PDZD2: variants seen among roughly 807,000 people sequenced by gnomAD.
The protein encoded by PDZD2 is PDZ domain containing 2, also known as PDZ domain-containing protein 2.
PDZD2 carries 90 observed loss-of-function variants against 220.7 expected under a neutral mutation model. The ratio of observed to expected loss-of-function variants is 0.41; its 90% confidence interval spans 0.34 to 0.49. The LOEUF (loss-of-function observed/expected upper bound fraction) is 0.49. Among genes scored for constraint, PDZD2 ranks in the 20% least tolerant of loss-of-function variants. PDZD2 has a pLI of 0.28. For synonymous variants in PDZD2, 1,375 were observed against 1,450.5 expected, an observed-to-expected ratio of 0.95 and a Z score of 1.18; for missense variants, 3,174 against 3,608.5, an observed-to-expected ratio of 0.88 and a Z score of 3.08.
rs1745314490 is a variant in PDZD2, at chr5:31,650,610, T to C, written c.-361+11173T>C. 2.0e-5 allele frequency among the ~76,000 whole-genome samples: 3 copies of C among 152,336 alleles called. No homozygotes were observed. In the South Asian group the frequency reaches 6.2e-4, roughly 32 times the overall value. On this transcript the variant is annotated intron_variant, in intron 1 of 24. Transcript: ENST00000438447. Reference sequence around the variant, plus strand: ...GAGAAGCTAAGAAGTTCATTTCTCTTCTTCTCCACTTTAGGAGTTTCAGGC... The same window carrying C: ...GAGAAGCTAAGAAGTTCATTTCTCTCCTTCTCCACTTTAGGAGTTTCAGGC...
chr5:31,868,394 A>C (rs1234601485), intron 2 of PDZD2, among the ~76,000 whole-genome samples: 1 of 152,146 alleles, frequency 6.6e-6, no homozygotes, highest in Non-Finnish European at 1.5e-5. Flanking sequence ...GCAGTAAGCC[A>C]AGATCGCGCC....
chr5:31,780,935 C>T (rs529930423), intron 1 of PDZD2, among the ~76,000 whole-genome samples: 1 of 152,324 alleles, frequency 6.6e-6, no homozygotes, highest in South Asian at 2.1e-4. Flanking sequence ...AGGAGCAAGG[C>T]AACATTCTCC....
intron 2 of PDZD2, among the ~76,000 whole-genome samples, chr5:31,845,080 T>C (rs542781495): frequency 6.6e-6 from 1 of 152,158 alleles, no homozygotes; most frequent in Middle Eastern, 3.4e-3. Flanking sequence ...ATGAGAAGAA[T>C]TCTTTCTCTC....
intron 6 of PDZD2, among the ~76,000 whole-genome samples, chr5:32,014,779 A>G (rs569779098): frequency 9.0e-5 from 12 of 132,958 alleles, no homozygotes; most frequent in Admixed American, 1.7e-4. Context: ...GCAGTGGCGC[A>G]ATCTCTGCTC....
intron 12 of PDZD2, 65 bp downstream of exon 12, chr5:32,058,168 C>T (rs1177375467): frequency 2.4e-6 from 2 of 828,420 alleles, no homozygotes; most frequent in African/African-American, 1.7e-5. Flanking sequence ...CTGTTGTTAG[C>T]TTAATTCTTC....
At chr5:31,743,725 A>C (rs1429661655) in intron 1 of PDZD2, among the ~76,000 whole-genome samples, 1 of 152,056 alleles carries the variant, frequency 6.6e-6, no homozygotes, top group Admixed American at 6.6e-5. Flanking sequence ...ATCTATCCCC[A>C]GCAACCACTG....
At chr5:31,725,211 G>A (rs1010531943) in intron 1 of PDZD2, among the ~76,000 whole-genome samples, 37 of 151,848 alleles carry the variant, frequency 2.4e-4, no homozygotes, top group African/African-American at 8.7e-4. Flanking sequence ...GGTGGCACAC[G>A]CCTGTAATCC....
intron 7 of PDZD2, among the ~76,000 whole-genome samples, chr5:32,043,922 C>T (rs752852099): frequency 1.6e-4 from 25 of 152,226 alleles, no homozygotes; most frequent in Non-Finnish European, 2.6e-4. Context: ...CCACCGTGCA[C>T]GACCTAACCA....
At chr5:31,903,060 G>A (rs977248111) in intron 2 of PDZD2, among the ~76,000 whole-genome samples, 6 of 151,864 alleles carry the variant, frequency 4.0e-5, no homozygotes, top group Non-Finnish European at 5.9e-5. Context: ...TTTGGGAGGC[G>A]GAGGTGGGTG....
intron 1 of PDZD2, among the ~76,000 whole-genome samples, chr5:31,730,946 G>C (rs2150156492): frequency 6.6e-6 from 1 of 152,238 alleles, no homozygotes; most frequent in Admixed American, 6.5e-5. Context: ...TCTCAAGGTT[G>C]TATGTGTCAT....
intron 19 of PDZD2, among the ~76,000 whole-genome samples, chr5:32,079,273 AAAAAAAC>A (rs869125908): frequency 0.013 from 1,944 of 150,168 alleles, 48 homozygotes; most frequent in African/African-American, 0.046. Context: ...AAAAAACAAA[AAAAAAAC>A]AAAAAAAAAA....
In PDZD2 at chr5:32,077,455, G is replaced by A. The variant is rs759023408; in HGVS notation, c.3538-7G>A. The stretch of plus-strand genomic sequence containing the variant: ...TTTCAAGTGGCTTGTGGTTGTCATT[G>A]TGCCAGGAATCTCTGGGAAAGCTGA... On this transcript the variant is annotated splice_polypyrimidine_tract_variant and splice_region_variant and intron_variant, in intron 18 of 24. Coordinates refer to ENST00000438447, the MANE Select transcript of PDZD2 (RefSeq NM_178140.4). 13 of 1,613,100 alleles carry A rather than the reference G, an allele frequency of 8.1e-6. No individual in the cohort carries two copies. In the East Asian group the frequency reaches 2.2e-4, roughly 28 times the overall value.
intron 1 of PDZD2, among the ~76,000 whole-genome samples, chr5:31,710,404 C>G (rs1489579967): frequency 6.6e-6 from 1 of 152,130 alleles, no homozygotes; most frequent in African/African-American, 2.4e-5. Flanking sequence ...AGTGCAAAAT[C>G]CATGCGGAAC....
intron 1 of PDZD2, among the ~76,000 whole-genome samples, chr5:31,745,253 AC>A (rs1750525144): frequency 6.6e-6 from 1 of 152,074 alleles, no homozygotes. Context: ...ATGTGGATGG[AC>A]CCAAAGGGGT....
chr5:31,689,543 G>A (rs557169621), intron 1 of PDZD2, among the ~76,000 whole-genome samples: 7 of 150,948 alleles, frequency 4.6e-5, no homozygotes, highest in Non-Finnish European at 8.8e-5. Context: ...AAGTCAACTA[G>A]CCCTTCATAT....
In PDZD2 at chr5:32,087,321, C is replaced by T. The variant is rs1434428315; in HGVS notation, c.3873C>T (p.Ser1291=). Reference sequence around the variant, plus strand: ...GGCTCCCCCATGAGGGCAGCCCCTCCCCGGGGGAGAAAGCAGCGGCTCCCC... The same window carrying T: ...GGCTCCCCCATGAGGGCAGCCCCTCTCCGGGGGAGAAAGCAGCGGCTCCCC... ...PVRLPHEGSP[S]PGEKAAAPPD... Residue 1291 remains serine, a synonymous_variant, in exon 20 of 25, where the codon TCC becomes TCT. Transcript: ENST00000438447. This position sits in a 1 kb window ranked among gnomAD's most constrained non-coding sequence, Gnocchi z 4.0. 20 of 1,614,162 alleles carry T rather than the reference C, an allele frequency of 1.2e-5. No individual in the cohort carries two copies. The highest frequency in any genetic ancestry group is 1.7e-5 in the Non-Finnish European group (20 of 1,179,986).
Position 32,098,542 on chromosome 5 carries a change from ATCAGCCCAGGCCC to A in PDZD2, c.8129_8141del (p.Gln2710LeufsTer41). ...CTCGTGGTCATCAAGAAAGGGATGG[ATCAGCCCAGGCCC>A]TCTGCCCGGCAGGAGCCTCCCACAG... On this transcript the variant is annotated frameshift_variant, in exon 23 of 25. Coordinates refer to ENST00000438447, the MANE Select transcript of PDZD2 (RefSeq NM_178140.4). LOFTEE classifies it high-confidence loss of function. The surrounding 1 kb of genome is among the most constrained non-coding windows in gnomAD (Gnocchi z 4.1). 1 of 1,614,174 alleles carries A rather than the reference ATCAGCCCAGGCCC, an allele frequency of 6.2e-7. No individual in the cohort carries two copies. Among genetic ancestry groups the A allele is most frequent in the Non-Finnish European group, 8.5e-7 (1 of 1,180,012 alleles).
At chr5:31,816,923 C>T (rs1755496491) in intron 2 of PDZD2, among the ~76,000 whole-genome samples, 1 of 152,218 alleles carries the variant, frequency 6.6e-6, no homozygotes, top group Non-Finnish European at 1.5e-5. Context: ...ATGGCTCACG[C>T]CTGTAATCCC....
intron 2 of PDZD2, among the ~76,000 whole-genome samples, chr5:31,826,675 C>CAA (rs745683312): frequency 7.0e-5 from 8 of 113,708 alleles, no homozygotes; most frequent in African/African-American, 6.4e-5. Context: ...GACTCTGTCT[C>CAA]AAAAAAAAAA....
Sources: allele counts gnomAD v4.1 joint callset (sites outside exome capture counted in the v4.1 genomes callset), GRCh38; gene constraint gnomAD v4.1.1; non-coding constraint Gnocchi (gnomAD v3.1); transcripts MANE v1.5; gene names NCBI Gene and HGNC (gene_info 2026-07-23, HGNC 2026-07-21).